Variants in SCNN1B observed in about 807,000 individuals in gnomAD.
SCNN1B encodes epithelial sodium channel subunit beta.
In SCNN1B, 46 loss-of-function variants were observed where a neutral mutation model predicts 65.3. The ratio of observed to expected loss-of-function variants is 0.70; its 90% CI spans 0.56 to 0.90. The LOEUF (loss-of-function observed/expected upper bound fraction) is 0.90. SCNN1B is among the 40% of genes least tolerant of loss of function. The pLI is 0.00. For synonymous variants in SCNN1B, 349 were observed against 330.6 expected, an observed-to-expected ratio of 1.06 and a Z score of -0.60; for missense variants, 751 against 830.5, an observed-to-expected ratio of 0.90 and a Z score of 1.18.
chr16:23,330,948 A>G (rs1961798871), intron 1 of SCNN1B, among the ~76,000 whole-genome samples: 3 of 152,176 alleles, frequency 2.0e-5, no homozygotes, highest in Non-Finnish European at 2.9e-5. Flanking sequence ...TCTGGAGACC[A>G]GACAAGGTTT....
intron 1 of SCNN1B, among the ~76,000 whole-genome samples, chr16:23,320,509 G>A (rs1961564902): frequency 6.6e-6 from 1 of 152,190 alleles, no homozygotes; most frequent in Non-Finnish European, 1.5e-5. Context: ...GTCTCAGTTG[G>A]CTTCTTCAGT....
At chr16:23,340,486 T>C (rs1962032858) in intron 1 of SCNN1B, among the ~76,000 whole-genome samples, 1 of 152,174 alleles carries the variant, frequency 6.6e-6, no homozygotes, top group Admixed American at 6.6e-5. Context: ...AGATTCCCTT[T>C]TAAAAAAATA....
At position 23,348,153 on chromosome 16, in the gene SCNN1B, G is replaced by C. The variant is rs1377972319; in HGVS notation, c.-8-439G>C. ...CTCCATATAGACAGTGGCCCTGGCT[G>C]GGAATCTACTTTCTTTTCTCATCAA... is the stretch of plus-strand genomic sequence containing the variant. On this transcript the variant is annotated intron_variant, in intron 1 of 12. Transcript: ENST00000343070. The surrounding 1 kb of genome is among the most constrained non-coding windows in gnomAD (Gnocchi z 4.5). 6.6e-6 allele frequency among the ~76,000 whole-genome samples: 1 copy of C among 152,050 alleles called. No individual in the cohort carries two copies. The highest frequency in any genetic ancestry group is 1.5e-5 in the Non-Finnish European group (1 of 67,998).
rs150825036 is a variant in SCNN1B, at chr16:23,311,418, C to G, written c.-9+8981C>G. ...CTCATTTGAGGACCTTAAGCAGGGGCTGGGTTGCACCCTCCCAAAACTAGC... is the reference window on the plus strand; with the variant it reads ...CTCATTTGAGGACCTTAAGCAGGGGGTGGGTTGCACCCTCCCAAAACTAGC... On this transcript the variant is annotated intron_variant, in intron 1 of 12. Transcript: ENST00000343070. Among the ~76,000 whole-genome samples, 1,373 of 152,304 alleles carry G rather than the reference C, an allele frequency of 9.0e-3. 28 individuals carry two copies. Among genetic ancestry groups the G allele is most frequent in the African/African-American group, 0.03 (1,242 of 41,556 alleles).
rs143127469 is a variant in SCNN1B, at chr16:23,318,580, G to C, written c.-9+16143G>C. On this transcript the variant is annotated intron_variant, in intron 1 of 12. Transcript: ENST00000343070. Reference sequence around the variant, plus strand: ...GCCGAGATTGCGCCAAGGCACTCCAGCCAGGGCAATAGACTGAGACTTCGT... The same window carrying C: ...GCCGAGATTGCGCCAAGGCACTCCACCCAGGGCAATAGACTGAGACTTCGT... 1.8e-3 allele frequency among the ~76,000 whole-genome samples: 271 copies of C among 152,316 alleles called. 3 individuals are homozygous for C. Among genetic ancestry groups the C allele is most frequent in the African/African-American group, 6.2e-3 (258 of 41,578 alleles).
chr16:23,287,274 G>A (rs2141968839), intron 2 of SCNN1B, among the ~76,000 whole-genome samples: 1 of 151,864 alleles, frequency 6.6e-6, no homozygotes, highest in East Asian at 1.9e-4. Context: ...CAAAGTGCTG[G>A]GATTACAGGC....
intron 1 of SCNN1B, among the ~76,000 whole-genome samples, chr16:23,333,225 G>A (rs1475621881): frequency 4.6e-5 from 7 of 151,860 alleles, no homozygotes; most frequent in Non-Finnish European, 1.5e-5. Context: ...AAGAAAAAAG[G>A]CCTTATTGCT....
intron 7 of SCNN1B, 154 bp downstream of exon 7, chr16:23,372,037 A>G (rs1962797002): frequency 1.4e-6 from 1 of 698,906 alleles, no homozygotes; most frequent in Non-Finnish European, 2.6e-6. Flanking sequence ...GGGACCAGTC[A>G]CTTTCCTGGG....
At chr16:23,379,273 A>G (rs150630001) in intron 11 of SCNN1B, among the ~76,000 whole-genome samples, 1 of 150,858 alleles carries the variant, frequency 6.6e-6, no homozygotes, top group East Asian at 1.9e-4. Context: ...CATCCATTCA[A>G]CACAAACACT....
rs1454326825 is a variant in SCNN1B, at chr16:23,377,203, A to G, written c.1309A>G (p.Arg437Gly). 6 of 1,614,178 alleles carry G rather than the reference A, an allele frequency of 3.7e-6. No homozygotes were observed. Among genetic ancestry groups the G allele is most frequent in the East Asian group, 2.2e-5 (1 of 44,884 alleles). The change falls in exon 9 of 13, where the codon AGA becomes GGA. Residue 437 changes from arginine to glycine, a missense_variant. Transcript: ENST00000343070. ...AGATCTACAGATGAGCGTGGCGCAG[A>G]GAGAGACCTGCATTGGCATGTGCAA... ...YSDLQMSVAQ[R>G]ETCIGMCKES...
chr16:23,329,358 C>T (rs1267090487), intron 1 of SCNN1B, among the ~76,000 whole-genome samples: 1 of 149,520 alleles, frequency 6.7e-6, no homozygotes, highest in Admixed American at 6.7e-5. Context: ...CCAAGCGATC[C>T]TCCCACCTCG....
intron 4 of SCNN1B, among the ~76,000 whole-genome samples, chr16:23,360,888 G>A (rs533249681): frequency 7.9e-5 from 12 of 152,112 alleles, no homozygotes; most frequent in East Asian, 5.8e-4. Context: ...TCCGCCTCCC[G>A]GGTTCATACC....
chr16:23,374,573 C>CAAAAAA (rs1168924579), intron 7 of SCNN1B, among the ~76,000 whole-genome samples: 10 of 48,298 alleles, frequency 2.1e-4, no homozygotes, highest in South Asian at 8.5e-4. Context: ...GACTCCATCT[C>CAAAAAA]AAAAAAAAAA....
At chr16:23,320,235 C>T (rs1257781172) in intron 1 of SCNN1B, among the ~76,000 whole-genome samples, 5 of 152,122 alleles carry the variant, frequency 3.3e-5, no homozygotes, top group African/African-American at 9.7e-5. Context: ...TTAGCATGGC[C>T]AGAGCCTCCT....
Position 23,348,973 on chromosome 16 carries a change from T to C in SCNN1B, c.311+63T>C, listed in dbSNP as rs1962250982. ...CAGGCGGTTCTCTTTCTCTCTTTTCTTCCCTTCTACCTTTCCTTTCCTTCC... is the reference window on the plus strand; with the variant it reads ...CAGGCGGTTCTCTTTCTCTCTTTTCCTCCCTTCTACCTTTCCTTTCCTTCC... On this transcript the variant is annotated intron_variant, in intron 2 of 12. Coordinates refer to ENST00000343070, the MANE Select transcript of SCNN1B (RefSeq NM_000336.3). The surrounding 1 kb of genome is among the most constrained non-coding windows in gnomAD (Gnocchi z 4.5). 1 of 1,364,984 alleles carries C rather than the reference T, an allele frequency of 7.3e-7. No homozygotes were observed. The highest frequency in any genetic ancestry group is 1.2e-5 in the South Asian group (1 of 85,390). 84.6% of individuals were successfully genotyped at this position (1,364,984 alleles called of 1,614,324 possible). A position where few individuals can be genotyped will look rare whatever the true frequency, so the allele number is the denominator to read the frequency against.
chr16:23,343,629 A>AAGAAAGAAAG (rs1962120270), intron 1 of SCNN1B, among the ~76,000 whole-genome samples: 1 of 135,624 alleles, frequency 7.4e-6, no homozygotes, highest in African/African-American at 2.9e-5. Flanking sequence ...GAAAGAAAGA[A>AAGAAAGAAAG]AGAAAGAAAG....
chr16:23,378,314 G>C (rs1246070944), intron 10 of SCNN1B, among the ~76,000 whole-genome samples: 2 of 152,198 alleles, frequency 1.3e-5, no homozygotes, highest in Admixed American at 6.5e-5. Flanking sequence ...CCAGCTTCTG[G>C]GAAAGCATGT....
At chr16:23,343,155 G>A (rs908590042) in intron 1 of SCNN1B, among the ~76,000 whole-genome samples, 4 of 152,010 alleles carry the variant, frequency 2.6e-5, no homozygotes, top group African/African-American at 7.2e-5. Flanking sequence ...AACCTGTCTC[G>A]TAAGAGAACT....
intron 7 of SCNN1B, chr16:23,372,186 A>C: frequency 2.2e-6 from 1 of 462,972 alleles, no homozygotes; most frequent in Non-Finnish European, 4.0e-6. Flanking sequence ...TAACACCATC[A>C]AGCTTCCATT....
Sources: gnomAD v4.1 joint callset for allele counts (sites outside exome capture counted in the v4.1 genomes callset) on GRCh38, gnomAD v4.1.1 for gene constraint, Gnocchi (gnomAD v3.1) non-coding constraint, MANE v1.5 for transcripts, NCBI Gene and HGNC (gene_info 2026-07-23, HGNC 2026-07-21) for gene names.